Variants in WNT5A observed in about 807,000 individuals in gnomAD.
WNT5A encodes the protein protein Wnt-5a.
WNT5A carries 9 observed loss-of-function variants against 42.1 expected under a neutral mutation model. The observed-to-expected ratio is 0.21, with a 90% CI of 0.13 to 0.37. WNT5A has a LOEUF of 0.37. Ranked by LOEUF, WNT5A falls within the 10% of genes least tolerant of loss-of-function variation. The probability of loss-of-function intolerance (pLI) is 1.00; values close to 1 mark genes in which losing one functional copy is unlikely to be tolerated. For missense variants in WNT5A, 426 were observed against 534.0 expected (o/e 0.80, Z 1.99); for synonymous variants, 210 against 210.0 (o/e 1.00, Z 0.00).
Position 55,483,067 on chromosome 3 carries a change from AT to A in WNT5A, c.7-2150del, listed in dbSNP as rs568980360. On this transcript the variant is annotated intron_variant, in intron 1 of 4. Transcript: ENST00000264634. The surrounding 1 kb of genome is among the most constrained non-coding windows in gnomAD (Gnocchi z 4.2). ...CAAGCAGCAGAGAAATTGATAACAG[AT>A]TCGGCGGATTACAGCGGATCTCTTT... Among the ~76,000 whole-genome samples the A allele has an allele frequency of 2.9e-4, 44 of 152,292 alleles. No individual in the cohort carries two copies. The highest frequency in any genetic ancestry group is 8.3e-4 in the South Asian group (4 of 4,820).
the WNT5A span, among the ~76,000 whole-genome samples, chr3:55,499,740 A>T: frequency 6.6e-6 from 1 of 152,102 alleles, no homozygotes; most frequent in African/African-American, 2.4e-5. Context: ...TTGGGAGGCC[A>T]AGGCAGGCAG....
intron 3 of WNT5A, among the ~76,000 whole-genome samples, chr3:55,478,601 C>T (rs1338567353): frequency 6.6e-6 from 1 of 152,178 alleles, no homozygotes; most frequent in Non-Finnish European, 1.5e-5. Context: ...ATTTGAAATG[C>T]TATCTCTTTG....
intron 3 of WNT5A, chr3:55,478,985 T>C (rs1488285128): frequency 5.6e-6 from 1 of 178,770 alleles, no homozygotes; most frequent in Non-Finnish European, 1.2e-5. Flanking sequence ...AGCATATACA[T>C]GACTTGCTTC....
rs550768554 is a variant in WNT5A, at chr3:55,474,617, G to A, written c.404C>T (p.Thr135Met). Residue 135 changes from threonine (T) to methionine (M), a missense_variant, in exon 4 of 5, where the codon ACG becomes ATG. By Grantham distance (81) the Thr-to-Met change is moderately conservative. Coordinates refer to ENST00000264634, the MANE Select transcript of WNT5A (RefSeq NM_003392.7). Reference protein sequence around the residue: ...GRVMQIGSRETAFTYAVSAAG... With the variant: ...GRVMQIGSREMAFTYAVSAAG... ...TGCGCTCACCGCGTATGTGAAGGCC[G>A]TCTCGCGGCTGCCTGTGGGTGAGGA... 6.3e-6 allele frequency: 9 copies of A among 1,429,492 alleles called. No homozygotes were observed. The highest frequency in any genetic ancestry group is 2.9e-5 in the Admixed American group (1 of 34,808). 88.6% of individuals were successfully genotyped at this position (1,429,492 alleles called of 1,614,324 possible). A position where few individuals can be genotyped will look rare whatever the true frequency, so the allele number is the denominator to read the frequency against.
chr3:55,474,208 G>A, intron 4 of WNT5A, 129 bp downstream of exon 4: 1 of 1,144,264 alleles, frequency 8.7e-7, no homozygotes, highest in Non-Finnish European at 1.2e-6. Flanking sequence ...GAAGCAGAGA[G>A]ATAGAGACAG....
In WNT5A at chr3:55,469,984, T is replaced by C. The variant is rs188596917; in HGVS notation, c.*108A>G. 1.4e-4 allele frequency: 195 copies of C among 1,393,632 alleles called. 1 individual carries two copies. Among genetic ancestry groups the C allele is most frequent in the Admixed American group, 4.4e-4 (22 of 50,292 alleles). The allele number at this position is 1,393,632 out of a possible 1,614,324, so 86.3% of individuals were successfully genotyped here. A position where few individuals can be genotyped will look rare whatever the true frequency, so the allele number is the denominator to read the frequency against. ...GGAAAAAAAATGGTTCCGGTTGCAA[T>C]TCTTGGGGAAAAATAAAAAATATTT... On this transcript the variant is annotated 3_prime_UTR_variant, in exon 5 of 5. Coordinates refer to ENST00000264634, the MANE Select transcript of WNT5A (RefSeq NM_003392.7).
chr3:55,474,414 C>T lies in WNT5A; in HGVS notation c.607G>A (p.Glu203Lys). 2 of 1,612,078 alleles carry T rather than the reference C, an allele frequency of 1.2e-6. No individual in the cohort carries two copies. The highest frequency in any genetic ancestry group is 1.7e-6 in the Non-Finnish European group (2 of 1,179,648). The change falls in exon 4 of 5, where the codon GAG (glutamate) becomes AAG (lysine). Residue 203 changes from glutamate (E) to lysine (K), a missense_variant. Physicochemically the swap from Glu to Lys is moderately conservative, Grantham distance 56. Around this residue, in one of 3 missense-constraint regions of WNT5A, gnomAD observed 358 missense variants for 468.1 expected, o/e 0.76. Coordinates refer to ENST00000264634, the MANE Select transcript of WNT5A (RefSeq NM_003392.7). ...AKEFVDARER[E>K]RIHAKGSYES... ...TAGGAGCCCTTGGCGTGGATGCGCT[C>T]CCGCTCGCGGGCGTCCACGAACTCC...
intron 1 of WNT5A, among the ~76,000 whole-genome samples, chr3:55,482,083 C>T (rs1260124780): frequency 6.6e-6 from 1 of 152,194 alleles, no homozygotes; most frequent in African/African-American, 2.4e-5. Flanking sequence ...AGACTTGGTT[C>T]GGTCAGTGCC....
rs368370224 is a variant in WNT5A, at chr3:55,486,966, C to T, written c.6+14G>A. The T allele has an allele frequency of 6.2e-7, 1 of 1,610,628 alleles. No homozygotes were observed. Among genetic ancestry groups the T allele is most frequent in the Non-Finnish European group, 8.5e-7 (1 of 1,177,660 alleles). ...GAAGTAAAGAAAAAAAGTGGCAGCG[C>T]ACTGAACACCTACCTTCATGGCGAG... On this transcript the variant is annotated intron_variant, in intron 1 of 4. Coordinates refer to ENST00000264634, the MANE Select transcript of WNT5A (RefSeq NM_003392.7).
At chr3:55,471,517 G>A (rs2051251902) in intron 4 of WNT5A, among the ~76,000 whole-genome samples, 1 of 152,222 alleles carries the variant, frequency 6.6e-6, no homozygotes, top group Admixed American at 6.5e-5. Flanking sequence ...CTGTTATAAG[G>A]ATAAAATTAG....
intron 4 of WNT5A, among the ~76,000 whole-genome samples, chr3:55,472,475 G>A (rs956308525): frequency 2.0e-5 from 3 of 152,176 alleles, no homozygotes; most frequent in South Asian, 2.1e-4. Flanking sequence ...AGATCCCAGC[G>A]ATACATCCCT....
the WNT5A span, among the ~76,000 whole-genome samples, chr3:55,502,817 A>G: frequency 6.6e-6 from 1 of 152,250 alleles, no homozygotes; most frequent in African/African-American, 2.4e-5. Context: ...AAAGCCTTAA[A>G]TTCTTATAGA....
At chr3:55,488,854 C>T (rs2051623120), upstream of WNT5A, among the ~76,000 whole-genome samples, 2 of 152,334 alleles carry the variant, frequency 1.3e-5, no homozygotes, top group African/African-American at 4.8e-5. Context: ...CATGGAACCT[C>T]ATGGGGGACC....
upstream of WNT5A, among the ~76,000 whole-genome samples, chr3:55,488,947 C>A (rs1305089098): frequency 1.3e-5 from 2 of 152,176 alleles, no homozygotes; most frequent in Non-Finnish European, 2.9e-5. Flanking sequence ...GCAAAGTCCC[C>A]AGAGTAGTAG....
rs563867730 is a variant in WNT5A at position 55,476,138 on chromosome 3, G to A, written c.392-1509C>T. Among the ~76,000 whole-genome samples, 266 of 152,322 alleles carry A rather than the reference G, an allele frequency of 1.7e-3. 1 individual carries two copies. The highest frequency in any genetic ancestry group is 3.4e-3 in the Middle Eastern group (1 of 294). The stretch of plus-strand genomic sequence containing the variant: ...GCTGACAACAGGACTCAGTCTGAAC[G>A]AGAAGGGTCATTCTGCAGGAGGACA... On this transcript the variant is annotated intron_variant, in intron 3 of 4. Transcript: ENST00000264634.
At chr3:55,475,836 G>A (rs1433106384) in intron 3 of WNT5A, among the ~76,000 whole-genome samples, 1 of 152,158 alleles carries the variant, frequency 6.6e-6, no homozygotes, top group Non-Finnish European at 1.5e-5. Flanking sequence ...GCTTGTACAT[G>A]GAGACATTTC....
chr3:55,476,225 C>T (rs916250933), intron 3 of WNT5A, among the ~76,000 whole-genome samples: 1 of 152,168 alleles, frequency 6.6e-6, no homozygotes, highest in African/African-American at 2.4e-5. Flanking sequence ...CCATGCCAGT[C>T]ACAGCCATTT....
chr3:55,491,900 G>A (rs1316951941), upstream of WNT5A, among the ~76,000 whole-genome samples: 1 of 152,248 alleles, frequency 6.6e-6, no homozygotes, highest in Admixed American at 6.5e-5. Flanking sequence ...CAAAGAGGCC[G>A]GAAAGGGGTC....
At chr3:55,492,617 T>C (rs1181985926), upstream of WNT5A, among the ~76,000 whole-genome samples, 10 of 152,148 alleles carry the variant, frequency 6.6e-5, no homozygotes, top group Admixed American at 5.2e-4. Flanking sequence ...GTGGCAATTA[T>C]AGGATCACCG....
Sources: gnomAD v4.1 joint callset for allele counts (sites outside exome capture counted in the v4.1 genomes callset) on GRCh38, gnomAD v4.1.1 for gene constraint, gnomAD v4.1.1 regional missense constraint, Gnocchi (gnomAD v3.1) non-coding constraint, MANE v1.5 for transcripts, NCBI Gene and HGNC (gene_info 2026-07-23, HGNC 2026-07-21) for gene names.